The following SUGCT variants were observed in gnomAD, a reference collection of about 807,000 sequenced individuals.
SUGCT encodes succinyl-CoA:glutarate CoA-transferase.
A neutral mutation model predicts 55.0 loss-of-function variants in SUGCT; 41 were observed. The ratio of observed to expected loss-of-function variants is 0.74; its 90% confidence interval spans 0.58 to 0.97. The LOEUF (loss-of-function observed/expected upper bound fraction) is 0.97, where lower values mean the gene tolerates loss of function less well. SUGCT is among the 50% of genes least tolerant of loss of function. The pLI is 0.00. For missense variants in SUGCT, 568 were observed against 547.8 expected (o/e 1.04, Z -0.37); for synonymous variants, 187 against 200.4 (o/e 0.93, Z 0.56).
At chr7:40,674,765 G>T (rs1035530743) in intron 12 of SUGCT, among the ~76,000 whole-genome samples, 2 of 152,104 alleles carry the variant, frequency 1.3e-5, no homozygotes, top group African/African-American at 4.8e-5. Flanking sequence ...GGTTGGTATA[G>T]AAATAGTTTT....
chr7:40,214,046 A>T (rs770875241), intron 6 of SUGCT, among the ~76,000 whole-genome samples: 3 of 152,230 alleles, frequency 2.0e-5, no homozygotes, highest in Non-Finnish European at 4.4e-5. Flanking sequence ...CTGAAGTCAC[A>T]CAGTGCTTGG....
chr7:40,478,367 A>G (rs887658360), intron 11 of SUGCT, among the ~76,000 whole-genome samples: 4 of 152,080 alleles, frequency 2.6e-5, no homozygotes, highest in East Asian at 1.9e-4. Context: ...TTTAATTTAC[A>G]TCACATATAT....
At chr7:40,754,839 G>A (rs1788178504) in intron 13 of SUGCT, among the ~76,000 whole-genome samples, 1 of 152,126 alleles carries the variant, frequency 6.6e-6, no homozygotes, top group East Asian at 1.9e-4. Context: ...ATTTAAATTT[G>A]TGTACATCAT....
chr7:40,327,305 G>T (rs1796069794), intron 9 of SUGCT, among the ~76,000 whole-genome samples: 1 of 152,138 alleles, frequency 6.6e-6, no homozygotes, highest in Non-Finnish European at 1.5e-5. Context: ...CCAGGAGGTT[G>T]CCACAGTCTG....
intron 6 of SUGCT, among the ~76,000 whole-genome samples, chr7:40,199,471 T>G (rs1786470205): frequency 6.6e-6 from 1 of 152,222 alleles, no homozygotes; most frequent in African/African-American, 2.4e-5. Flanking sequence ...TGTGTACCAC[T>G]GGGTAGGAAG....
At chr7:40,596,159 T>C (rs1797999569) in intron 12 of SUGCT, among the ~76,000 whole-genome samples, 1 of 152,230 alleles carries the variant, frequency 6.6e-6, no homozygotes, top group African/African-American at 2.4e-5. Context: ...TTATTGTTAA[T>C]AATAAAACAA....
intron 8 of SUGCT, among the ~76,000 whole-genome samples, chr7:40,308,984 G>A (rs1794991678): frequency 6.6e-6 from 1 of 152,158 alleles, no homozygotes; most frequent in Admixed American, 6.5e-5. Flanking sequence ...TGCAGCCTGG[G>A]CAACAGAGTT....
intron 12 of SUGCT, among the ~76,000 whole-genome samples, chr7:40,518,362 A>G (rs954300038): frequency 1.3e-5 from 2 of 152,152 alleles, no homozygotes; most frequent in African/African-American, 4.8e-5. Context: ...GCTAACAGTT[A>G]TGAGACTATT....
chr7:40,501,654 A>G (rs1159898428), intron 12 of SUGCT, among the ~76,000 whole-genome samples: 1 of 152,098 alleles, frequency 6.6e-6, no homozygotes, highest in Non-Finnish European at 1.5e-5. Flanking sequence ...TCCTTCATTC[A>G]GTAAATCATC....
chr7:40,641,791 C>G (rs1800281226), intron 12 of SUGCT, among the ~76,000 whole-genome samples: 1 of 152,124 alleles, frequency 6.6e-6, no homozygotes, highest in Non-Finnish European at 1.5e-5. Flanking sequence ...TTTTGTTGAA[C>G]TTATGAAAGG....
chr7:40,176,833 CCT>C (rs1784946861), intron 1 of SUGCT, among the ~76,000 whole-genome samples: 1 of 151,722 alleles, frequency 6.6e-6, no homozygotes, highest in African/African-American at 2.4e-5. Flanking sequence ...ATTAACTGGG[CCT>C]GGTGGCAGGT....
intron 12 of SUGCT, among the ~76,000 whole-genome samples, chr7:40,543,660 C>A (rs575153640): frequency 6.6e-6 from 1 of 152,300 alleles, no homozygotes; most frequent in Admixed American, 6.5e-5. Context: ...AAGGATTTTT[C>A]ATGTGCAAAT....
intron 8 of SUGCT, among the ~76,000 whole-genome samples, chr7:40,286,475 C>T (rs910503295): frequency 1.3e-4 from 20 of 152,164 alleles, no homozygotes; most frequent in African/African-American, 4.8e-4. Flanking sequence ...TGATGTTCCC[C>T]TTACCATGTA....
chr7:40,953,442 T>G, the SUGCT span, among the ~76,000 whole-genome samples: 1 of 152,250 alleles, frequency 6.6e-6, no homozygotes, highest in Non-Finnish European at 1.5e-5. Context: ...GAAGCCTTCT[T>G]CTTTCAACTC....
intron 12 of SUGCT, among the ~76,000 whole-genome samples, chr7:40,504,711 G>A (rs965188796): frequency 5.3e-5 from 8 of 152,224 alleles, no homozygotes; most frequent in African/African-American, 1.4e-4. Context: ...TGGGGTAACA[G>A]GTGTGAGCCA....
intron 6 of SUGCT, among the ~76,000 whole-genome samples, chr7:40,227,539 A>T (rs1187147006): frequency 6.6e-6 from 1 of 151,934 alleles, no homozygotes; most frequent in Admixed American, 6.6e-5. Context: ...TAATTTTTAA[A>T]TTTTTTTGTA....
At chr7:40,362,499 A>C (rs948957008) in intron 9 of SUGCT, among the ~76,000 whole-genome samples, 5 of 152,036 alleles carry the variant, frequency 3.3e-5, no homozygotes, top group Non-Finnish European at 5.9e-5. Flanking sequence ...AGCACCATCA[A>C]CCTGCTGTGA....
intron 9 of SUGCT, among the ~76,000 whole-genome samples, chr7:40,422,500 A>G (rs1787363011): frequency 1.3e-5 from 2 of 152,068 alleles, no homozygotes; most frequent in South Asian, 4.1e-4. Context: ...CTGGCATTGT[A>G]TATGCCACAT....
the SUGCT span, among the ~76,000 whole-genome samples, chr7:40,964,065 C>T: frequency 6.6e-6 from 1 of 152,222 alleles, no homozygotes; most frequent in South Asian, 2.1e-4. Flanking sequence ...AAGACTTTCA[C>T]ATTCTACATA....
Sources: gnomAD v4.1 joint callset for allele counts (sites outside exome capture counted in the v4.1 genomes callset) on GRCh38, gnomAD v4.1.1 for gene constraint, MANE v1.5 for transcripts, NCBI Gene and HGNC (gene_info 2026-07-23, HGNC 2026-07-21) for gene names.